PRRC2B: variants seen among roughly 807,000 people sequenced by gnomAD.
PRRC2B encodes proline rich coiled-coil 2B.
PRRC2B carries 68 observed loss-of-function variants against 242.3 expected under a neutral mutation model. The observed-to-expected ratio is 0.28, with a 90% confidence interval of 0.23 to 0.34. PRRC2B has a LOEUF of 0.34. Among genes scored for constraint, PRRC2B ranks in the 10% least tolerant of loss-of-function variants. The pLI is 1.00. For missense variants in PRRC2B, 2,835 were observed against 2,954.8 expected (o/e 0.96, Z 0.94); for synonymous variants, 1,228 against 1,173.6 (o/e 1.05, Z -0.95).
chr9:131,485,039 C>T lies in PRRC2B; in HGVS notation c.5657C>T (p.Ser1886Phe). The T allele has an allele frequency of 1.9e-6, 3 of 1,612,148 alleles. No homozygotes were observed. Among genetic ancestry groups the T allele is most frequent in the Non-Finnish European group, 2.5e-6 (3 of 1,179,162 alleles). The change falls in exon 25 of 32, where the codon TCC becomes TTC. Residue 1886 changes from serine (S) to phenylalanine (F), a missense_variant. Coordinates refer to ENST00000683519, the MANE Select transcript of PRRC2B (RefSeq NM_013318.4). The stretch of plus-strand genomic sequence containing the variant: ...GCTGGCTCAGGCATCCAGCCTCCAT[C>T]CTCTGTGGGTGCCTCCAGCGGGGTC... ...GGAGSGIQPP[S>F]SVGASSGVNY... is the part of the protein sequence containing the mutation.
intron 2 of PRRC2B, among the ~76,000 whole-genome samples, chr9:131,430,526 G>C (rs971791216): frequency 9.4e-6 from 1 of 106,102 alleles, no homozygotes; most frequent in Middle Eastern, 5.2e-3. Flanking sequence ...TAGATAGATA[G>C]ATATCTATCT....
At chr9:131,413,894 TCTCCTGAC>T (rs1400675562) in intron 1 of PRRC2B, among the ~76,000 whole-genome samples, 4 of 148,832 alleles carry the variant, frequency 2.7e-5, no homozygotes, top group African/African-American at 9.9e-5. Context: ...ATGGTCTTGA[TCTCCTGAC>T]CTCATGATCC....
intron 1 of PRRC2B, among the ~76,000 whole-genome samples, chr9:131,425,505 T>C (rs1837953772): frequency 6.6e-6 from 1 of 151,942 alleles, no homozygotes. Context: ...TTGTTGTTTT[T>C]TGAGATGGAG....
intron 7 of PRRC2B, 61 bp from the exon 8 acceptor site, chr9:131,447,024 A>G: frequency 6.2e-7 from 1 of 1,605,334 alleles, no homozygotes; most frequent in South Asian, 1.1e-5. Context: ...ATTCTGATTT[A>G]AGTGGAAATT....
At chr9:131,424,214 T>G (rs540906107) in intron 1 of PRRC2B, among the ~76,000 whole-genome samples, 1 of 151,956 alleles carries the variant, frequency 6.6e-6, no homozygotes, top group South Asian at 2.1e-4. Flanking sequence ...AGTGCTGGGA[T>G]TACAAGCGTG....
intron 14 of PRRC2B, among the ~76,000 whole-genome samples, chr9:131,472,196 T>A (rs1035710555): frequency 6.6e-6 from 1 of 152,202 alleles, no homozygotes; most frequent in Non-Finnish European, 1.5e-5. Context: ...AGCCCTTATG[T>A]TTTGGGAGTG....
Position 131,487,715 on chromosome 9 carries a change from C to G in PRRC2B, c.5985-141C>G. Reference sequence around the variant, plus strand: ...CTAGGAGCTTGTTCTCAGGCCCCATCCTGGACCCTCTGAGTCGCGCTCTGG... The same window carrying G: ...CTAGGAGCTTGTTCTCAGGCCCCATGCTGGACCCTCTGAGTCGCGCTCTGG... On this transcript the variant is annotated intron_variant, in intron 27 of 31. Transcript: ENST00000683519. The surrounding 1 kb of genome is among the most constrained non-coding windows in gnomAD (Gnocchi z 5.3). The G allele has an allele frequency of 1.8e-6, 2 of 1,131,292 alleles. No individual in the cohort carries two copies. The highest frequency in any genetic ancestry group is 2.5e-6 in the Non-Finnish European group (2 of 813,774). The allele number at this position is 1,131,292 out of a possible 1,614,324, so 70.1% of individuals were successfully genotyped here. A position where few individuals can be genotyped will look rare whatever the true frequency, so the allele number is the denominator to read the frequency against.
At chr9:131,384,325 C>T (rs1233945211) in intron 1 of PRRC2B, among the ~76,000 whole-genome samples, 4 of 151,866 alleles carry the variant, frequency 2.6e-5, no homozygotes, top group African/African-American at 9.7e-5. Flanking sequence ...CTCTGTCACC[C>T]AGGCTTAAGT....
At chr9:131,396,305 C>T in intron 1 of PRRC2B, among the ~76,000 whole-genome samples, 1 of 148,340 alleles carries the variant, frequency 6.7e-6, no homozygotes, top group African/African-American at 2.5e-5. Context: ...CCTTCCCTTC[C>T]TTCTTTTTTC....
chr9:131,420,507 T>TCTTTCTTTCGTTC (rs1564278700), intron 1 of PRRC2B, among the ~76,000 whole-genome samples: 1 of 126,468 alleles, frequency 7.9e-6, no homozygotes, highest in African/African-American at 3.1e-5. Flanking sequence ...TTTTTTTTTT[T>TCTTTCTTTCGTTC]TTTGAGATGG....
At chr9:131,393,598 AT>A (rs1836943000), upstream of PRRC2B, among the ~76,000 whole-genome samples, 1 of 152,236 alleles carries the variant, frequency 6.6e-6, no homozygotes. Context: ...CCGTATACAT[AT>A]TTTAACAAAA....
intron 12 of PRRC2B, among the ~76,000 whole-genome samples, chr9:131,467,104 T>G (rs1943418566): frequency 6.6e-6 from 1 of 151,760 alleles, no homozygotes; most frequent in Admixed American, 6.6e-5. Flanking sequence ...CCTGTCATTT[T>G]TTGTACTTTC....
At chr9:131,457,484 C>T (rs1196819516) in intron 10 of PRRC2B, among the ~76,000 whole-genome samples, 1 of 152,180 alleles carries the variant, frequency 6.6e-6, no homozygotes, top group Non-Finnish European at 1.5e-5. Flanking sequence ...CCTCCTGAAA[C>T]CTGCTCTTTT....
chr9:131,493,437 C>T (rs1588285674), intron 30 of PRRC2B, among the ~76,000 whole-genome samples: 1 of 152,240 alleles, frequency 6.6e-6, no homozygotes, highest in Admixed American at 6.5e-5. Context: ...GACGCTGTCC[C>T]GCTGCTGCCA....
rs372741705 is a variant in PRRC2B, at chr9:131,474,870, C to T, written c.2741C>T (p.Ser914Leu). 77 of 1,604,660 alleles carry T rather than the reference C, an allele frequency of 4.8e-5. No homozygotes were observed. Among genetic ancestry groups the T allele is most frequent in the African/African-American group, 6.7e-5 (5 of 74,838 alleles). The change falls in exon 16 of 32, where the codon TCG becomes TTG. Residue 914 changes from serine (S) to leucine (L), a missense_variant. Physicochemically the swap from Ser to Leu is moderately radical, Grantham distance 145. Transcript: ENST00000683519. ...KNGSPNKQPS[S>L]EPEWTPEPRS... ...GGGAGCCCCAACAAACAGCCATCCTCGGAGCCTGAATGGACTCCCGAGCCC... is the reference window on the plus strand; with the variant it reads ...GGGAGCCCCAACAAACAGCCATCCTTGGAGCCTGAATGGACTCCCGAGCCC...
intron 1 of PRRC2B, among the ~76,000 whole-genome samples, chr9:131,415,428 C>G (rs1005809584): frequency 6.6e-6 from 1 of 152,208 alleles, no homozygotes; most frequent in Non-Finnish European, 1.5e-5. Flanking sequence ...CCCCCGCTCC[C>G]CTGGGGCTGG....
intron 1 of PRRC2B, among the ~76,000 whole-genome samples, chr9:131,415,027 CTG>C (rs1292173170): frequency 6.6e-6 from 1 of 152,174 alleles, no homozygotes; most frequent in East Asian, 1.9e-4. Context: ...GAGTTTCACT[CTG>C]TTGCCCACGC....
In PRRC2B at chr9:131,444,022, C is replaced by T. The variant is rs114869569; in HGVS notation, c.470-163C>T. 2.5e-3 allele frequency among the ~76,000 whole-genome samples: 383 copies of T among 152,294 alleles called. 2 individuals are homozygous for T. The highest frequency in any genetic ancestry group is 7.1e-3 in the African/African-American group (295 of 41,542). On this transcript the variant is annotated intron_variant, in intron 5 of 31. Coordinates refer to ENST00000683519, the MANE Select transcript of PRRC2B (RefSeq NM_013318.4). ...TGTCAGCAGCAGTCTCCCTTGCCACCCTCAGCACCCTCGTGGCATCTGCCA... is the reference window on the plus strand; with the variant it reads ...TGTCAGCAGCAGTCTCCCTTGCCACTCTCAGCACCCTCGTGGCATCTGCCA...
At position 131,476,453 on chromosome 9, in the gene PRRC2B, G is replaced by A; in HGVS notation, c.4324G>A (p.Glu1442Lys). ...AAAGCTGGAGCCGGGAGGGTTTGGG[G>A]AGAAGCCCGTTAGGCCAGGTGGTGG... ...SRKLEPGGFG[E>K]KPVRPGGGDT... Residue 1442 changes from glutamate (E) to lysine (K), a missense_variant, in exon 16 of 32, where the codon GAG becomes AAG. Glu to Lys is a moderately conservative substitution (Grantham distance 56). Around this residue, in one of 7 missense-constraint regions of PRRC2B, gnomAD observed 1,536 missense variants for 1,483.1 expected, o/e 1.04. Transcript: ENST00000683519. 6.2e-7 allele frequency: 1 copy of A among 1,613,378 alleles called. No individual in the cohort carries two copies. Among genetic ancestry groups the A allele is most frequent in the Non-Finnish European group, 8.5e-7 (1 of 1,179,790 alleles).
Sources: gnomAD v4.1 joint callset for allele counts (sites outside exome capture counted in the v4.1 genomes callset) on GRCh38, gnomAD v4.1.1 for gene constraint, gnomAD v4.1.1 regional missense constraint, Gnocchi (gnomAD v3.1) non-coding constraint, MANE v1.5 for transcripts, NCBI Gene and HGNC (gene_info 2026-07-23, HGNC 2026-07-21) for gene names.